Variants in TMC1 observed in about 807,000 individuals in gnomAD.
The protein encoded by TMC1 is transmembrane channel-like protein 1.
Under a neutral mutation model 105.8 loss-of-function variants are expected in TMC1, and 84 were observed. The observed-to-expected ratio is 0.79, with a 90% confidence interval of 0.67 to 0.95. The LOEUF (loss-of-function observed/expected upper bound fraction) is 0.95. Among genes scored for constraint, TMC1 ranks in the 40% least tolerant of loss-of-function variants. TMC1 has a pLI of 0.00. For synonymous variants in TMC1, 315 were observed against 311.5 expected (o/e 1.01, Z -0.12); for missense variants, 817 against 914.1 (o/e 0.89, Z 1.37).
chr9:72,582,421 A>C (rs1824490293), intron 2 of TMC1, among the ~76,000 whole-genome samples: 2 of 152,220 alleles, frequency 1.3e-5, no homozygotes, highest in Non-Finnish European at 2.9e-5. Context: ...CTGAAATTTA[A>C]AGCACAGTTG....
At chr9:72,755,114 GAA>G (rs1238018516) in intron 12 of TMC1, among the ~76,000 whole-genome samples, 1 of 148,552 alleles carries the variant, frequency 6.7e-6, no homozygotes, top group African/African-American at 2.5e-5. Flanking sequence ...GAAAGAAAGA[GAA>G]AGAAAGAAAG....
At position 72,727,046 on chromosome 9, in the gene TMC1, G is replaced by C. The variant is rs150821637; in HGVS notation, c.363-13073G>C. Reference sequence around the variant, plus strand: ...AGCCACGTAGATGGCCTTGCAAAGAGCTGAATGCTAGTATATCTAAGAATA... The same window carrying C: ...AGCCACGTAGATGGCCTTGCAAAGACCTGAATGCTAGTATATCTAAGAATA... On this transcript the variant is annotated intron_variant, in intron 8 of 23. Coordinates refer to ENST00000297784, the MANE Select transcript of TMC1 (RefSeq NM_138691.3). Among the ~76,000 whole-genome samples, 3 of 152,308 alleles carry C rather than the reference G, an allele frequency of 2.0e-5. No homozygotes were observed. The East Asian group carries it at 5.8e-4, about 29-fold the overall frequency.
intron 17 of TMC1, among the ~76,000 whole-genome samples, chr9:72,804,862 G>A (rs1479504455): frequency 3.3e-5 from 5 of 152,122 alleles, no homozygotes; most frequent in South Asian, 2.1e-4. Flanking sequence ...GTGGGGTTTC[G>A]GTATTTTTCA....
chr9:72,702,012 C>T (rs983178762), intron 8 of TMC1, among the ~76,000 whole-genome samples: 5 of 152,248 alleles, frequency 3.3e-5, no homozygotes, highest in Admixed American at 1.3e-4. Context: ...TGTGTCTGTA[C>T]ATTAAAATAA....
At chr9:72,782,854 C>G (rs537310740) in intron 13 of TMC1, among the ~76,000 whole-genome samples, 1 of 152,084 alleles carries the variant, frequency 6.6e-6, no homozygotes, top group Non-Finnish European at 1.5e-5. Flanking sequence ...GTTAAAATGG[C>G]CATATTACCC....
intron 1 of TMC1, among the ~76,000 whole-genome samples, chr9:72,545,177 CATTT>C (rs765936120): frequency 6.6e-6 from 1 of 151,036 alleles, no homozygotes; most frequent in Non-Finnish European, 1.5e-5. Flanking sequence ...TACACACACA[CATTT>C]ATATGTGTAT....
intron 1 of TMC1, among the ~76,000 whole-genome samples, chr9:72,546,397 ATTAT>A (rs1380300862): frequency 6.6e-6 from 1 of 152,216 alleles, no homozygotes; most frequent in African/African-American, 2.4e-5. Flanking sequence ...AAACATTGAC[ATTAT>A]TTAATTCTTT....
chr9:72,724,338 G>A (rs1348616878), intron 8 of TMC1, among the ~76,000 whole-genome samples: 2 of 152,116 alleles, frequency 1.3e-5, no homozygotes, highest in African/African-American at 4.8e-5. Context: ...GGGAGAAATG[G>A]GGCTGTATTT....
At chr9:72,595,497 G>A (rs1332575074) in intron 2 of TMC1, among the ~76,000 whole-genome samples, 3 of 152,124 alleles carry the variant, frequency 2.0e-5, no homozygotes, top group Admixed American at 2.0e-4. Context: ...TCTAGCATTA[G>A]AGTGGCCTGC....
At chr9:72,560,612 C>G (rs996586236) in intron 1 of TMC1, among the ~76,000 whole-genome samples, 2 of 152,088 alleles carry the variant, frequency 1.3e-5, no homozygotes, top group Admixed American at 6.6e-5. Context: ...AATTCCCCTG[C>G]CTCAGCCTCC....
intron 2 of TMC1, among the ~76,000 whole-genome samples, chr9:72,603,883 T>TTGGG (rs1824866596): frequency 1.4e-5 from 2 of 138,730 alleles, no homozygotes; most frequent in Non-Finnish European, 3.1e-5. Flanking sequence ...TTTTCTTTTT[T>TTGGG]GAGACGGAAT....
chr9:72,651,147 A>G (rs1019207094), intron 5 of TMC1: 1 of 150,134 alleles, frequency 6.7e-6, no homozygotes, highest in Non-Finnish European at 1.5e-5. Context: ...TATATATATC[A>G]CATTTTCTTT....
At chr9:72,547,936 T>G (rs1259605359) in intron 1 of TMC1, among the ~76,000 whole-genome samples, 1 of 152,212 alleles carries the variant, frequency 6.6e-6, no homozygotes, top group African/African-American at 2.4e-5. Context: ...TTCCTCTTAC[T>G]GGTTTGCAGA....
intron 14 of TMC1, among the ~76,000 whole-genome samples, 163 bp downstream of exon 14, chr9:72,788,646 A>G (rs1828210590): frequency 6.6e-6 from 1 of 152,120 alleles, no homozygotes; most frequent in Middle Eastern, 3.2e-3. Flanking sequence ...ATAACTGGAA[A>G]ATCTTCCATG....
At chr9:72,638,653 T>C (rs988745656) in intron 4 of TMC1, among the ~76,000 whole-genome samples, 5 of 152,198 alleles carry the variant, frequency 3.3e-5, no homozygotes, top group Non-Finnish European at 5.9e-5. Flanking sequence ...CTCTATAGTA[T>C]TGGCTGAATG....
intron 5 of TMC1, chr9:72,651,266 G>A (rs1383483757): frequency 6.6e-6 from 1 of 151,946 alleles, no homozygotes; most frequent in African/African-American, 2.4e-5. Context: ...CCCATGAAGC[G>A]ATGAAGCAAG....
rs540663054 is a variant in TMC1 at position 72,728,537 on chromosome 9, T to A, written c.363-11582T>A. Among the ~76,000 whole-genome samples, 3 of 152,276 alleles carry A rather than the reference T, an allele frequency of 2.0e-5. No individual in the cohort carries two copies. The South Asian group carries it at 6.2e-4, about 32-fold the overall frequency. ...TGAAATAATCTTTATACCATATTTTTGGCACATTTTGGCATAATATGGCAC... is the reference window on the plus strand; with the variant it reads ...TGAAATAATCTTTATACCATATTTTAGGCACATTTTGGCATAATATGGCAC... On this transcript the variant is annotated intron_variant, in intron 8 of 23. Coordinates refer to ENST00000297784, the MANE Select transcript of TMC1 (RefSeq NM_138691.3).
intron 5 of TMC1, among the ~76,000 whole-genome samples, chr9:72,649,684 T>C (rs182461318): frequency 6.3e-4 from 96 of 152,326 alleles, no homozygotes. Flanking sequence ...AAAGAAGCTA[T>C]TGGAAATGGC....
At chr9:72,535,044 TAG>T (rs10574679) in intron 1 of TMC1, among the ~76,000 whole-genome samples, 79,847 of 131,804 alleles carry the variant, frequency 0.61, 22,294 homozygotes, top group African/African-American at 0.76. Flanking sequence ...ATGGATCTCT[TAG>T]AGAGAGAGAA....
Sources: allele counts gnomAD v4.1 joint callset (sites outside exome capture counted in the v4.1 genomes callset), GRCh38; gene constraint gnomAD v4.1.1; transcripts MANE v1.5; gene names NCBI Gene and HGNC (gene_info 2026-07-23, HGNC 2026-07-21).